Variants in ABHD2 observed in about 807,000 individuals in gnomAD.
The protein encoded by ABHD2 is monoacylglycerol lipase ABHD2.
Under a neutral mutation model 48.1 loss-of-function variants are expected in ABHD2, and 20 were observed. The ratio of observed to expected loss-of-function variants is 0.42; its 90% CI spans 0.29 to 0.60. The LOEUF (loss-of-function observed/expected upper bound fraction) is 0.60. Among genes scored for constraint, ABHD2 ranks in the 20% least tolerant of loss-of-function variants. ABHD2 has a pLI of 0.24. For synonymous variants in ABHD2, 209 were observed against 214.2 expected, an observed-to-expected ratio of 0.98 and a Z score of 0.21; for missense variants, 405 against 550.9, an observed-to-expected ratio of 0.74 and a Z score of 2.65.
intron 3 of ABHD2, among the ~76,000 whole-genome samples, chr15:89,147,031 A>G (rs544599554): frequency 1.3e-5 from 2 of 152,352 alleles, no homozygotes; most frequent in East Asian, 1.9e-4. Flanking sequence ...TCATAAAGCT[A>G]TATTAATTAA....
In ABHD2 at chr15:89,116,659, G is replaced by T; in HGVS notation, c.194+138G>T. Reference sequence around the variant, plus strand: ...CGTCACTGGTGTTAAAATAGCCACAGTCTGATTGCAGTCTAGTGTTTGAAT... The same window carrying T: ...CGTCACTGGTGTTAAAATAGCCACATTCTGATTGCAGTCTAGTGTTTGAAT... On this transcript the variant is annotated intron_variant, in intron 3 of 10. Transcript: ENST00000352732. This position sits in a 1 kb window ranked among gnomAD's most constrained non-coding sequence, Gnocchi z 4.6. 1.1e-6 allele frequency: 1 copy of T among 896,484 alleles called. No individual in the cohort carries two copies. The highest frequency in any genetic ancestry group is 1.7e-6 in the Non-Finnish European group (1 of 601,066). The allele number at this position is 896,484 out of a possible 1,614,324, so 55.5% of individuals were successfully genotyped here.
At chr15:89,145,356 A>G (rs2050473771) in intron 3 of ABHD2, among the ~76,000 whole-genome samples, 1 of 152,230 alleles carries the variant, frequency 6.6e-6, no homozygotes, top group South Asian at 2.1e-4. Context: ...ACAACATTTA[A>G]GGAGATTACC....
At chr15:89,163,358 G>C (rs575585050) in intron 5 of ABHD2, among the ~76,000 whole-genome samples, 3 of 152,324 alleles carry the variant, frequency 2.0e-5, no homozygotes, top group African/African-American at 7.2e-5. Flanking sequence ...AGAACCCTTC[G>C]TGCTGCCTTT....
the ABHD2 span, among the ~76,000 whole-genome samples, chr15:89,042,459 G>A: frequency 1.3e-4 from 19 of 151,984 alleles, no homozygotes; most frequent in African/African-American, 2.7e-4. Context: ...CCTTCCCTCC[G>A]TCTTATCTCT....
chr15:89,127,307 T>G (rs531998280), intron 3 of ABHD2, among the ~76,000 whole-genome samples: 1 of 152,270 alleles, frequency 6.6e-6, no homozygotes, highest in African/African-American at 2.4e-5. Context: ...ACTTCTGAGG[T>G]AGCCATTATA....
At chr15:89,069,674 CTTTTT>C in the ABHD2 span, among the ~76,000 whole-genome samples, 73 of 52,908 alleles carry the variant, frequency 1.4e-3, 3 homozygotes, top group South Asian at 0.019. Flanking sequence ...TTCATTTACT[CTTTTT>C]TTTTTTTTTT....
intron 3 of ABHD2, chr15:89,136,545 G>T: frequency 3.2e-6 from 1 of 312,426 alleles, no homozygotes; most frequent in Non-Finnish European, 6.4e-6. Context: ...GTGCCCATCT[G>T]GCTCTCACTT....
chr15:89,045,707 T>C, the ABHD2 span, among the ~76,000 whole-genome samples: 1 of 152,354 alleles, frequency 6.6e-6, no homozygotes, highest in Admixed American at 6.5e-5. Flanking sequence ...TGTCTGTTGT[T>C]GGTGTATGAG....
At chr15:89,086,398 TTATTTA>T (rs1256079192), upstream of ABHD2, among the ~76,000 whole-genome samples, 2 of 152,200 alleles carry the variant, frequency 1.3e-5, no homozygotes, top group East Asian at 3.8e-4. Context: ...CATGCTTTAC[TTATTTA>T]TGTTTATCAT....
chr15:89,118,015 G>A (rs2049988680), intron 3 of ABHD2, among the ~76,000 whole-genome samples: 1 of 152,158 alleles, frequency 6.6e-6, no homozygotes, highest in Non-Finnish European at 1.5e-5. Context: ...TGCCCCTGCT[G>A]AGGGGACTTT....
chr15:89,142,403 T>G (rs751528039), intron 3 of ABHD2, among the ~76,000 whole-genome samples: 1 of 152,216 alleles, frequency 6.6e-6, no homozygotes, highest in Non-Finnish European at 1.5e-5. Context: ...CTTCCTTTGT[T>G]AAAGAGCTTG....
intron 3 of ABHD2, among the ~76,000 whole-genome samples, chr15:89,133,750 C>T (rs1276949365): frequency 6.6e-6 from 1 of 151,820 alleles, no homozygotes; most frequent in Non-Finnish European, 1.5e-5. Context: ...GGAAATTAGC[C>T]CTTTGTGATA....
At chr15:89,163,900 A>C (rs2050798679) in intron 5 of ABHD2, among the ~76,000 whole-genome samples, 1 of 152,246 alleles carries the variant, frequency 6.6e-6, no homozygotes, top group African/African-American at 2.4e-5. Context: ...TGGGCAGCCC[A>C]GGCTTCAAAC....
In ABHD2 at chr15:89,184,577, G is replaced by A. The variant is rs747029820; in HGVS notation, c.723-847G>A. On this transcript the variant is annotated intron_variant, in intron 6 of 10. Coordinates refer to ENST00000352732, the MANE Select transcript of ABHD2 (RefSeq NM_152924.5). The surrounding 1 kb of genome is among the most constrained non-coding windows in gnomAD (Gnocchi z 5.1). ...CTGGGCAGGCATGGCTGGTGGGAGT[G>A]AGCCCACTGGTGTTTGTTCACCTGC... Among the ~76,000 whole-genome samples the A allele has an allele frequency of 2.0e-4, 31 of 152,332 alleles. No homozygotes were observed. The highest frequency in any genetic ancestry group is 4.0e-4 in the Non-Finnish European group (27 of 68,036).
intron 5 of ABHD2, among the ~76,000 whole-genome samples, chr15:89,172,711 A>G (rs942278008): frequency 1.3e-5 from 2 of 152,228 alleles, no homozygotes; most frequent in African/African-American, 4.8e-5. Flanking sequence ...CACATCTCTA[A>G]ACAACTCTAC....
chr15:89,053,929 C>G, the ABHD2 span, among the ~76,000 whole-genome samples: 4 of 152,196 alleles, frequency 2.6e-5, no homozygotes, highest in African/African-American at 4.8e-5. Flanking sequence ...TGACCACTCA[C>G]TTGCCAAGTA....
chr15:89,045,847 G>A, the ABHD2 span, among the ~76,000 whole-genome samples: 15 of 152,182 alleles, frequency 9.9e-5, no homozygotes, highest in South Asian at 1.9e-3. Context: ...TGCAAACAGC[G>A]ACAATTTGAC....
chr15:89,070,188 A>G, the ABHD2 span: 2 of 152,228 alleles, frequency 1.3e-5, no homozygotes, highest in Admixed American at 6.5e-5. Context: ...AAAAAGAGAC[A>G]ATGGTGAGCC....
At chr15:89,125,650 T>C (rs2050119827) in intron 3 of ABHD2, among the ~76,000 whole-genome samples, 1 of 152,200 alleles carries the variant, frequency 6.6e-6, no homozygotes, top group Non-Finnish European at 1.5e-5. Flanking sequence ...TCAGTACTAA[T>C]ACCGGGGAAT....
Sources: gnomAD v4.1 joint callset for allele counts (sites outside exome capture counted in the v4.1 genomes callset) on GRCh38, gnomAD v4.1.1 for gene constraint, Gnocchi (gnomAD v3.1) non-coding constraint, MANE v1.5 for transcripts, NCBI Gene and HGNC (gene_info 2026-07-23, HGNC 2026-07-21) for gene names.